The following XPO1 variants were observed in gnomAD, a reference collection of about 807,000 sequenced individuals.
XPO1 encodes the protein exportin-1.
A neutral mutation model predicts 133.3 loss-of-function variants in XPO1; 5 were observed. The observed-to-expected ratio is 0.04, with a 90% CI of 0.02 to 0.08. The LOEUF (loss-of-function observed/expected upper bound fraction) is 0.08, where lower values mean the gene tolerates loss of function less well. Among genes scored for constraint, XPO1 ranks in the 10% least tolerant of loss-of-function variants. The probability of loss-of-function intolerance (pLI) is 1.00; values close to 1 mark genes in which losing one functional copy is unlikely to be tolerated. For synonymous variants in XPO1, 419 were observed against 408.2 expected (o/e 1.03, Z -0.32); for missense variants, 506 against 1,267.5 (o/e 0.40, Z 9.12).
At chr2:61,534,404 C>T (rs1034426326) in intron 1 of XPO1, 2 of 152,170 alleles carry the variant, frequency 1.3e-5, no homozygotes, top group African/African-American at 4.8e-5. Flanking sequence ...CAGAATGGGC[C>T]GAGCGTGGTG....
chr2:61,534,950 T>C (rs750893842), intron 1 of XPO1, among the ~76,000 whole-genome samples: 50 of 152,196 alleles, frequency 3.3e-4, no homozygotes, highest in Admixed American at 1.2e-3. Flanking sequence ...GCAATATGCC[T>C]AACAAGATTT....
In XPO1 at chr2:61,533,888, T is replaced by C; in HGVS notation, c.10A>G (p.Ile4Val). Residue 4 changes from isoleucine (I) to valine (V), a missense_variant, in exon 2 of 25, where the codon ATT becomes GTT. Coordinates refer to ENST00000401558, the MANE Select transcript of XPO1 (RefSeq NM_003400.4). MPA[I>V]MTMLADHAAR... ...GCATGGTCTGCTAACATTGTCATAATTGCTGGCATAGATTACTGAAAATAA... is the reference window on the plus strand; with the variant it reads ...GCATGGTCTGCTAACATTGTCATAACTGCTGGCATAGATTACTGAAAATAA... 1 of 1,568,710 alleles carries C rather than the reference T, an allele frequency of 6.4e-7. No individual in the cohort carries two copies. Among genetic ancestry groups the C allele is most frequent in the Non-Finnish European group, 8.6e-7 (1 of 1,160,868 alleles).
chr2:61,529,678 A>G (rs892882452), intron 2 of XPO1, among the ~76,000 whole-genome samples: 46 of 152,132 alleles, frequency 3.0e-4, no homozygotes, highest in African/African-American at 9.4e-4. Flanking sequence ...AAAAAAAAAA[A>G]AAAGAAAGAA....
At chr2:61,511,267 G>A (rs536720546) in intron 4 of XPO1, among the ~76,000 whole-genome samples, 1 of 152,228 alleles carries the variant, frequency 6.6e-6, no homozygotes, top group South Asian at 2.1e-4. Flanking sequence ...GGGATTACAG[G>A]AATGCGCCAC....
At chr2:61,528,624 C>A (rs1699012053) in intron 2 of XPO1, among the ~76,000 whole-genome samples, 1 of 148,598 alleles carries the variant, frequency 6.7e-6, no homozygotes, top group South Asian at 2.1e-4. Flanking sequence ...TGCACTCCAA[C>A]CTGGGTTGAC....
At chr2:61,486,513 G>A (rs2104360353) in intron 19 of XPO1, among the ~76,000 whole-genome samples, 1 of 152,282 alleles carries the variant, frequency 6.6e-6, no homozygotes, top group Admixed American at 6.5e-5. Context: ...CTGGAGTGCA[G>A]TGGTGCCATC....
chr2:61,500,620 G>A (rs1573150912), intron 6 of XPO1, among the ~76,000 whole-genome samples: 1 of 141,858 alleles, frequency 7.0e-6, no homozygotes, highest in Admixed American at 7.1e-5. Flanking sequence ...CCAACATGGT[G>A]AAACCCCGTC....
In XPO1 at chr2:61,493,025, G is replaced by C. The variant is rs1280563320; in HGVS notation, c.1274C>G (p.Ala425Gly). 1.2e-6 allele frequency: 2 copies of C among 1,604,552 alleles called. No individual in the cohort carries two copies. Among genetic ancestry groups the C allele is most frequent in the Non-Finnish European group, 1.7e-6 (2 of 1,178,184 alleles). The part of the protein sequence containing the change: ...KVRLLMVSRM[A>G]KPEEVLVVEN... ...TACAACCAATACTTCCTCTGGTTTA[G>C]CCATTCGACTAACCATTAATAAACG... The change falls in exon 13 of 25, where the codon GCT becomes GGT. Residue 425 changes from alanine (A) to glycine (G), a missense_variant. By Grantham distance (60) the Ala-to-Gly change is moderately conservative (BLOSUM62 0). Coordinates refer to ENST00000401558, the MANE Select transcript of XPO1 (RefSeq NM_003400.4).
intron 4 of XPO1, among the ~76,000 whole-genome samples, chr2:61,503,430 T>C (rs1337397662): frequency 7.0e-6 from 1 of 142,716 alleles, no homozygotes; most frequent in African/African-American, 2.6e-5. Flanking sequence ...CCAGCTACTA[T>C]TTTTTTTTTT....
At chr2:61,531,165 G>A (rs973066277) in intron 2 of XPO1, among the ~76,000 whole-genome samples, 1 of 152,198 alleles carries the variant, frequency 6.6e-6, no homozygotes, top group Non-Finnish European at 1.5e-5. Context: ...AAAGTAGACT[G>A]AACTAACGAC....
rs1697047191 is a variant in XPO1 at position 61,492,513 on chromosome 2, G to GT, written c.1567-33dup. The GT allele has an allele frequency of 6.3e-7, 1 of 1,590,056 alleles. No homozygotes were observed. Among genetic ancestry groups the GT allele is most frequent in the Non-Finnish European group, 8.5e-7 (1 of 1,171,244 alleles). On this transcript the variant is annotated intron_variant, in intron 14 of 24. Coordinates refer to ENST00000401558, the MANE Select transcript of XPO1 (RefSeq NM_003400.4). The surrounding 1 kb of genome is among the most constrained non-coding windows in gnomAD (Gnocchi z 5.6). ...ATAAGACAAATTTGTATTATTTATT[G>GT]TAACAACATAATACTTATTTAGCAA...
intron 19 of XPO1, among the ~76,000 whole-genome samples, chr2:61,487,615 A>G (rs902460646): frequency 1.3e-5 from 2 of 152,210 alleles, no homozygotes; most frequent in African/African-American, 4.8e-5. Context: ...CCAAGGCTCA[A>G]TTGAATAACA....
At chr2:61,508,177 C>A (rs1697918150) in intron 4 of XPO1, among the ~76,000 whole-genome samples, 1 of 152,136 alleles carries the variant, frequency 6.6e-6, no homozygotes, top group African/African-American at 2.4e-5. Flanking sequence ...GCCTGGCCAA[C>A]ATAGTGAAAC....
At chr2:61,511,606 C>CT (rs1698100170) in intron 4 of XPO1, among the ~76,000 whole-genome samples, 1 of 152,142 alleles carries the variant, frequency 6.6e-6, no homozygotes, top group South Asian at 2.1e-4. Context: ...AGAGAGAAGT[C>CT]TAACTATCTT....
chr2:61,519,456 T>C (rs747067890), intron 4 of XPO1, among the ~76,000 whole-genome samples: 4 of 150,270 alleles, frequency 2.7e-5, no homozygotes, highest in Non-Finnish European at 5.9e-5. Flanking sequence ...TCAACAGGCA[T>C]GGAGGCCGAG....
chr2:61,502,329 G>A lies in XPO1; in HGVS notation c.302-19C>T, dbSNP rs376266913. The A allele has an allele frequency of 2.5e-5, 40 of 1,603,304 alleles. No individual in the cohort carries two copies. The highest frequency in any genetic ancestry group is 1.6e-4 in the African/African-American group (12 of 74,316). ...TTTATTCCTATTAAAAAAATTGCAC[G>A]TAATAAAAAAATTGTTGAGCTCTTT... On this transcript the variant is annotated intron_variant, in intron 4 of 24. Coordinates refer to ENST00000401558, the MANE Select transcript of XPO1 (RefSeq NM_003400.4).
chr2:61,525,805 T>C (rs1698883885), intron 3 of XPO1: 1 of 1,036,928 alleles, frequency 9.6e-7, no homozygotes, highest in Non-Finnish European at 1.2e-6. Flanking sequence ...TAACACAATG[T>C]ATATCAAGTG....
At position 61,482,455 on chromosome 2, in the gene XPO1, T is replaced by C. The variant is rs748139433; in HGVS notation, c.2897A>G (p.Asn966Ser). ...GKISTSLNPG[N>S]PVNNQIFLQE... ...AAGAAAGATTTGGTTGTTAACTGGA[T>C]TTCCAGGATTTAATGATGTACTTAT... Residue 966 changes from asparagine (N) to serine (S), a missense_variant, in exon 23 of 25, where the codon AAT becomes AGT. Physicochemically the swap from Asn to Ser is conservative, Grantham distance 46. Around this residue, in one of 6 missense-constraint regions of XPO1, gnomAD observed 203 missense variants for 365.9 expected, o/e 0.55. Coordinates refer to ENST00000401558, the MANE Select transcript of XPO1 (RefSeq NM_003400.4). The C allele has an allele frequency of 1.9e-6, 3 of 1,613,588 alleles. No individual in the cohort carries two copies. The highest frequency in any genetic ancestry group is 2.5e-6 in the Non-Finnish European group (3 of 1,179,876).
intron 2 of XPO1, among the ~76,000 whole-genome samples, chr2:61,530,841 ATTTT>A (rs915931866): frequency 3.9e-5 from 6 of 152,018 alleles, no homozygotes; most frequent in Admixed American, 1.3e-4. Context: ...CAAAAAAAAA[ATTTT>A]TTTAATTTTA....
Sources: allele counts gnomAD v4.1 joint callset (sites outside exome capture counted in the v4.1 genomes callset), GRCh38; gene constraint gnomAD v4.1.1; regional missense constraint gnomAD v4.1.1; non-coding constraint Gnocchi (gnomAD v3.1); transcripts MANE v1.5; gene names NCBI Gene and HGNC (gene_info 2026-07-23, HGNC 2026-07-21).